Variants in TMEM221 observed in about 807,000 individuals in gnomAD.
The protein encoded by TMEM221 is Putative transmembrane protein ENSP00000342162.
In TMEM221, 11 loss-of-function variants were observed where a neutral mutation model predicts 10.2. The observed-to-expected ratio is 1.08, with a 90% confidence interval of 0.68 to 1.79. The LOEUF (loss-of-function observed/expected upper bound fraction) is 1.79, where lower values mean the gene tolerates loss of function less well. Among genes scored for constraint, TMEM221 ranks in the 40% most tolerant of loss-of-function variants. The pLI, the probability that TMEM221 is intolerant of heterozygous loss-of-function variation, is 0.00. For synonymous variants in TMEM221, 172 were observed against 199.8 expected (o/e 0.86, Z 1.18); for missense variants, 382 against 417.7 (o/e 0.91, Z 0.75).
Position 17,445,245 on chromosome 19 carries a change from A to T in TMEM221, c.360T>A (p.His120Gln). The T allele has an allele frequency of 1.3e-6, 2 of 1,535,880 alleles. No homozygotes were observed. Among genetic ancestry groups the T allele is most frequent in the East Asian group, 2.4e-5 (1 of 40,890 alleles). ...CACAGCAGAAAAGGCCAAGGGCCACATGTCTGAGGAGGCGGCAGTCGTAGA... is the reference window on the plus strand; with the variant it reads ...CACAGCAGAAAAGGCCAAGGGCCACTTGTCTGAGGAGGCGGCAGTCGTAGA... ...WFLYDCRLLR[H>Q]VALGLFCCGI... Residue 120 changes from histidine (H) to glutamine (Q), a missense_variant, in exon 2 of 3, where the codon CAT (histidine) becomes CAA (glutamine). Transcript: ENST00000341130.
intron 2 of TMEM221, among the ~76,000 whole-genome samples, chr19:17,444,392 T>C (rs973302681): frequency 2.5e-4 from 38 of 151,730 alleles, no homozygotes; most frequent in Non-Finnish European, 5.1e-4. Flanking sequence ...CAAAATGCTA[T>C]CTTTAGACAC....
In TMEM221 at chr19:17,448,292, G is replaced by C; in HGVS notation, c.171C>G (p.Pro57=). Residue 57 remains proline (P), a synonymous_variant, in exon 1 of 3, where the codon CCC becomes CCG. Coordinates refer to ENST00000341130, the MANE Select transcript of TMEM221 (RefSeq NM_001190844.2). The surrounding 1 kb of genome is among the most constrained non-coding windows in gnomAD (Gnocchi z 4.7). The part of the protein sequence containing the change: ...EGLGQELGAG[P]GLPEDAAGTL... ...TCCCGGCCGCGTCCTCTGGCAGCCC[G>C]GGGCCGGCGCCCAGCTCCTGGCCCA... 13 of 1,214,768 alleles carry C rather than the reference G, an allele frequency of 1.1e-5. No individual in the cohort carries two copies. Among genetic ancestry groups the C allele is most frequent in the Non-Finnish European group, 1.3e-5 (13 of 977,654 alleles). The allele number at this position is 1,214,768 out of a possible 1,614,324, so 75.2% of individuals were successfully genotyped here.
In TMEM221 at chr19:17,448,054, C is replaced by A. The variant is rs1465394229; in HGVS notation, c.320+89G>T. 1 of 1,134,598 alleles carries A rather than the reference C, an allele frequency of 8.8e-7. No homozygotes were observed. The highest frequency in any genetic ancestry group is 3.3e-5 in the South Asian group (1 of 30,386). The allele number at this position is 1,134,598 out of a possible 1,614,324, so 70.3% of individuals were successfully genotyped here. A position where few individuals can be genotyped will look rare whatever the true frequency, so the allele number is the denominator to read the frequency against. ...GAAGTGGGGAGGGAAGCTGTCCCCC[C>A]AGCCTGAGGCCAAAAGAGGGGAAGA... is the stretch of plus-strand genomic sequence containing the variant. On this transcript the variant is annotated intron_variant, in intron 1 of 2. Coordinates refer to ENST00000341130, the MANE Select transcript of TMEM221 (RefSeq NM_001190844.2). The surrounding 1 kb of genome is among the most constrained non-coding windows in gnomAD (Gnocchi z 4.7).
At position 17,436,606 on chromosome 19, in the gene TMEM221, T is replaced by A. The variant is rs1209843716; in HGVS notation, c.728A>T (p.Glu243Val). Residue 243 changes from glutamate (E) to valine (V), a missense_variant, in exon 3 of 3, where the codon GAG becomes GTG. Transcript: ENST00000341130. ...MATATAPAAL[E>V]GGWESSLPAS... is the part of the protein sequence containing the mutation. ...AGGCAGGCTGCTCTCCCAGCCTCCC[T>A]CCAGGGCTGCAGGTGCTGTGGCAGT... 1 of 1,536,098 alleles carries A rather than the reference T, an allele frequency of 6.5e-7. No homozygotes were observed. Among genetic ancestry groups the A allele is most frequent in the Admixed American group, 2.0e-5 (1 of 50,990 alleles).
intron 2 of TMEM221, among the ~76,000 whole-genome samples, chr19:17,438,595 C>CTT (rs567618962): frequency 4.3e-4 from 55 of 127,768 alleles, no homozygotes; most frequent in African/African-American, 1.1e-3. Context: ...CCTGCTCTAT[C>CTT]TTTTTTTTTT....
chr19:17,446,380 CTTT>C (rs1452207956), intron 1 of TMEM221, among the ~76,000 whole-genome samples: 2 of 152,156 alleles, frequency 1.3e-5, no homozygotes, highest in African/African-American at 4.8e-5. Context: ...CTACAAGCTT[CTTT>C]GAGAGATGAG....
At chr19:17,446,588 G>A (rs1204866795) in intron 1 of TMEM221, among the ~76,000 whole-genome samples, 1 of 152,030 alleles carries the variant, frequency 6.6e-6, no homozygotes, top group East Asian at 1.9e-4. Context: ...GCTAGAGGTG[G>A]TCATTCAAAA....
intron 2 of TMEM221, among the ~76,000 whole-genome samples, chr19:17,441,844 TG>T (rs35989408): frequency 0.33 from 49,132 of 147,894 alleles, 8,299 homozygotes; most frequent in South Asian, 0.39. Flanking sequence ...TTTTTTTTTT[TG>T]GCTGGAAACA....
At chr19:17,440,082 G>A (rs548535339) in intron 2 of TMEM221, among the ~76,000 whole-genome samples, 9 of 152,222 alleles carry the variant, frequency 5.9e-5, no homozygotes, top group Admixed American at 2.0e-4. Flanking sequence ...AGCTAGCTGC[G>A]GGGCTGAGGC....
At chr19:17,447,636 G>C (rs1444531744) in intron 1 of TMEM221, among the ~76,000 whole-genome samples, 1 of 152,176 alleles carries the variant, frequency 6.6e-6, no homozygotes, top group Non-Finnish European at 1.5e-5. Flanking sequence ...CTCAGCTCAA[G>C]GAGGGTTCCT....
At chr19:17,437,652 TG>T (rs1386270816) in intron 2 of TMEM221, among the ~76,000 whole-genome samples, 1 of 152,082 alleles carries the variant, frequency 6.6e-6, no homozygotes, top group African/African-American at 2.4e-5. Flanking sequence ...TGCTTGAGCC[TG>T]GGAGATGGAG....
At chr19:17,439,164 G>A (rs1336884599) in intron 2 of TMEM221, among the ~76,000 whole-genome samples, 6 of 143,328 alleles carry the variant, frequency 4.2e-5, no homozygotes, top group African/African-American at 1.0e-4. Flanking sequence ...CCGAGATCAC[G>A]CCACTGCACT....
intron 1 of TMEM221, among the ~76,000 whole-genome samples, chr19:17,445,724 A>C (rs1000226568): frequency 1.3e-5 from 2 of 150,772 alleles, no homozygotes; most frequent in African/African-American, 4.9e-5. Flanking sequence ...CCACTTATCC[A>C]TCCACCCATC....
intron 1 of TMEM221, among the ~76,000 whole-genome samples, chr19:17,446,564 T>C (rs892036522): frequency 6.6e-6 from 1 of 152,060 alleles, no homozygotes; most frequent in Admixed American, 6.6e-5. Context: ...TCCTGTCCCC[T>C]TTTCAGCACA....
intron 2 of TMEM221, among the ~76,000 whole-genome samples, chr19:17,437,375 G>A (rs956902243): frequency 2.0e-5 from 3 of 152,216 alleles, no homozygotes; most frequent in African/African-American, 7.2e-5. Flanking sequence ...CAGGGACATG[G>A]CAAGTGCAGA....
At position 17,436,442 on chromosome 19, in the gene TMEM221, T is replaced by G. The variant is rs1341874515; in HGVS notation, c.*16A>C. 1 of 1,483,814 alleles carries G rather than the reference T, an allele frequency of 6.7e-7. No homozygotes were observed. The highest frequency in any genetic ancestry group is 2.1e-5 in the Admixed American group (1 of 47,730). 91.9% of individuals were successfully genotyped at this position (1,483,814 alleles called of 1,614,324 possible). ...ATCCTTTTCTTACACCAGGTCTCTA[T>G]TCCTCATCCCTGGGCTCACACCAGT... On this transcript the variant is annotated 3_prime_UTR_variant, in exon 3 of 3. Coordinates refer to ENST00000341130, the MANE Select transcript of TMEM221 (RefSeq NM_001190844.2).
Position 17,442,325 on chromosome 19 carries a change from TC to T in TMEM221, c.406+2873del, listed in dbSNP as rs559651733. 6.7e-3 allele frequency among the ~76,000 whole-genome samples: 1,014 copies of T among 152,066 alleles called. 12 individuals carry two copies. Among genetic ancestry groups the T allele is most frequent in the African/African-American group, 0.023 (959 of 41,500 alleles). On this transcript the variant is annotated intron_variant, in intron 2 of 2. Transcript: ENST00000341130. ...ACCCAGGCTGTGCAATGGCACAATC[TC>T]GGCTCACTGCAACCTCCGCCCCCTG...
intron 2 of TMEM221, among the ~76,000 whole-genome samples, chr19:17,441,123 G>A (rs917238370): frequency 3.3e-5 from 5 of 151,022 alleles, no homozygotes; most frequent in Non-Finnish European, 5.9e-5. Context: ...GAGGAGAATC[G>A]CTTGAATCTG....
chr19:17,440,616 A>G (rs1407000909), intron 2 of TMEM221, among the ~76,000 whole-genome samples: 2 of 152,122 alleles, frequency 1.3e-5, no homozygotes, highest in Non-Finnish European at 2.9e-5. Context: ...TCCCAGCTAC[A>G]TGGATTGGGA....
Sources: gnomAD v4.1 joint callset for allele counts (sites outside exome capture counted in the v4.1 genomes callset) on GRCh38, gnomAD v4.1.1 for gene constraint, Gnocchi (gnomAD v3.1) non-coding constraint, MANE v1.5 for transcripts, NCBI Gene and HGNC (gene_info 2026-07-23, HGNC 2026-07-21) for gene names.